CDH13: variants seen among roughly 807,000 people sequenced by gnomAD.
The protein encoded by CDH13 is cadherin 13.
A neutral mutation model predicts 63.8 loss-of-function variants in CDH13; 24 were observed. The observed-to-expected ratio is 0.38, with a 90% confidence interval of 0.27 to 0.53. The LOEUF (loss-of-function observed/expected upper bound fraction) is 0.53, where lower values mean the gene tolerates loss of function less well. CDH13 is among the 20% of genes least tolerant of loss of function. The probability of loss-of-function intolerance (pLI) is 0.85; values close to 1 mark genes in which losing one functional copy is unlikely to be tolerated. For synonymous variants in CDH13, 503 were observed against 355.3 expected (o/e 1.42, Z -4.67); for missense variants, 1,049 against 903.1 (o/e 1.16, Z -2.07).
intron 5 of CDH13, among the ~76,000 whole-genome samples, chr16:83,248,858 T>A (rs764744408): frequency 6.6e-6 from 1 of 152,214 alleles, no homozygotes; most frequent in Non-Finnish European, 1.5e-5. Context: ...TAGGCAATTG[T>A]CCACTTGAAT....
rs570650415 is a variant in CDH13 at position 83,308,844 on chromosome 16, G to A, written c.637-36018G>A. Among the ~76,000 whole-genome samples the A allele has an allele frequency of 3.9e-5, 6 of 152,328 alleles. No homozygotes were observed. The East Asian group carries it at 1.2e-3, about 29-fold the overall frequency. On this transcript the variant is annotated intron_variant, in intron 5 of 13. Transcript: ENST00000567109. The stretch of plus-strand genomic sequence containing the variant: ...CTTTGCAGAAGTTGAAGTTGAAACA[G>A]AAGTTTACTAAGATGCTGAAACTTA...
intron 2 of CDH13, among the ~76,000 whole-genome samples, chr16:82,989,598 G>A (rs888884935): frequency 6.6e-6 from 1 of 152,198 alleles, no homozygotes; most frequent in Non-Finnish European, 1.5e-5. Flanking sequence ...AGATGAGGCT[G>A]TGTGGACCAG....
At position 83,624,943 on chromosome 16, in the gene CDH13, G is replaced by A. The variant is rs560774391; in HGVS notation, c.1101+22349G>A. ...GGTGTGTTGCAGCCAGTCTGCACCAGCTTTGGGAGAGCTGATTGCCGCATG... is the reference window on the plus strand; with the variant it reads ...GGTGTGTTGCAGCCAGTCTGCACCAACTTTGGGAGAGCTGATTGCCGCATG... On this transcript the variant is annotated intron_variant, in intron 8 of 13. Coordinates refer to ENST00000567109, the MANE Select transcript of CDH13 (RefSeq NM_001257.5). Among the ~76,000 whole-genome samples the A allele has an allele frequency of 3.3e-5, 5 of 152,340 alleles. No homozygotes were observed. The South Asian group carries it at 1.0e-3, about 32-fold the overall frequency.
intron 8 of CDH13, chr16:83,654,860 T>A (rs1171810384): frequency 6.6e-6 from 1 of 152,144 alleles, no homozygotes; most frequent in Non-Finnish European, 1.5e-5. Flanking sequence ...TGAAAGAGCA[T>A]CTCCAGGTGG....
intron 1 of CDH13, among the ~76,000 whole-genome samples, chr16:82,758,049 G>T (rs1425274230): frequency 6.6e-6 from 1 of 152,110 alleles, no homozygotes; most frequent in Non-Finnish European, 1.5e-5. Context: ...TTTCAGGTTA[G>T]TTGTAGATAA....
intron 5 of CDH13, among the ~76,000 whole-genome samples, chr16:83,264,544 A>G (rs953577132): frequency 3.1e-5 from 2 of 64,674 alleles, no homozygotes; most frequent in Admixed American, 2.1e-4. Flanking sequence ...GTGTGTGTAT[A>G]TATATGTATG....
At chr16:82,928,973 A>C (rs1480004758) in intron 2 of CDH13, among the ~76,000 whole-genome samples, 1 of 152,196 alleles carries the variant, frequency 6.6e-6, no homozygotes, top group Non-Finnish European at 1.5e-5. Flanking sequence ...CAAAGTGCAT[A>C]ACATTATATT....
chr16:83,059,811 T>TTTTG, intron 3 of CDH13, among the ~76,000 whole-genome samples: 1 of 149,250 alleles, frequency 6.7e-6, no homozygotes, highest in Non-Finnish European at 1.5e-5. Context: ...TTTTTTTTTT[T>TTTTG]TTAGAAGGAG....
At chr16:83,053,965 A>G (rs1022150470) in intron 3 of CDH13, among the ~76,000 whole-genome samples, 1 of 152,202 alleles carries the variant, frequency 6.6e-6, no homozygotes, top group Non-Finnish European at 1.5e-5. Flanking sequence ...TGATCTCATA[A>G]AATTATAATA....
At chr16:83,497,174 G>T (rs1333672196) in intron 7 of CDH13, among the ~76,000 whole-genome samples, 4 of 152,038 alleles carry the variant, frequency 2.6e-5, no homozygotes. Flanking sequence ...TATACCCAAA[G>T]GACTATAAAT....
intron 7 of CDH13, among the ~76,000 whole-genome samples, chr16:83,538,556 C>G (rs990351084): frequency 7.2e-5 from 11 of 152,122 alleles, no homozygotes; most frequent in African/African-American, 2.7e-4. Flanking sequence ...GGAATGTGAT[C>G]CTAAAATAAT....
intron 7 of CDH13, among the ~76,000 whole-genome samples, chr16:83,540,628 C>G (rs1361105980): frequency 2.0e-5 from 3 of 152,214 alleles, no homozygotes; most frequent in Admixed American, 6.5e-5. Context: ...TAATGACACT[C>G]TCAAGTAGTA....
chr16:82,640,907 T>C lies in CDH13; in HGVS notation c.45+13770T>C, dbSNP rs979765672. Among the ~76,000 whole-genome samples the C allele has an allele frequency of 1.3e-5, 2 of 152,244 alleles. 1 individual carries two copies. The highest frequency in any genetic ancestry group is 1.3e-4 in the Admixed American group (2 of 15,288). Reference sequence around the variant, plus strand: ...AAGGCACTTTTGCTACCCAAAAGTATCTTGGGGTTAAACACGCTCTTGGAT... The same window carrying C: ...AAGGCACTTTTGCTACCCAAAAGTACCTTGGGGTTAAACACGCTCTTGGAT... On this transcript the variant is annotated intron_variant, in intron 1 of 13. Coordinates refer to ENST00000567109, the MANE Select transcript of CDH13 (RefSeq NM_001257.5).
At chr16:83,762,949 T>G (rs1914094413) in intron 11 of CDH13, among the ~76,000 whole-genome samples, 1 of 152,170 alleles carries the variant, frequency 6.6e-6, no homozygotes, top group Non-Finnish European at 1.5e-5. Context: ...ACAAAAGGTG[T>G]CCCTGTTAGT....
rs1157621533 is a variant in CDH13 at position 83,678,315 on chromosome 16, C to G, written c.1392C>G (p.Val464=). 5 of 1,614,030 alleles carry G rather than the reference C, an allele frequency of 3.1e-6. No homozygotes were observed. The highest frequency in any genetic ancestry group is 3.4e-6 in the Non-Finnish European group (4 of 1,179,902). The change falls in exon 10 of 14, where the codon GTC becomes GTG. Residue 464 remains valine (V), a synonymous_variant. Coordinates refer to ENST00000567109, the MANE Select transcript of CDH13 (RefSeq NM_001257.5). ...ACGGCCCCAGCTCCACAGCCACCGTCCACATCACTGTCCTGGATGTCAACG... is the reference window on the plus strand; with the variant it reads ...ACGGCCCCAGCTCCACAGCCACCGTGCACATCACTGTCCTGGATGTCAACG... ...VSYGPSSTAT[V]HITVLDVNEG... is the part of the protein sequence containing the mutation.
chr16:83,384,057 T>G (rs1216429672), intron 6 of CDH13, among the ~76,000 whole-genome samples: 1 of 152,222 alleles, frequency 6.6e-6, no homozygotes, highest in Non-Finnish European at 1.5e-5. Context: ...CTTGCACATA[T>G]GTCTACAACT....
At chr16:83,627,622 C>T (rs1412849302) in intron 8 of CDH13, among the ~76,000 whole-genome samples, 1 of 152,112 alleles carries the variant, frequency 6.6e-6, no homozygotes, top group African/African-American at 2.4e-5. Flanking sequence ...GCAATCTCAA[C>T]TCACTGCAGT....
intron 4 of CDH13, among the ~76,000 whole-genome samples, chr16:83,130,004 G>C (rs1046887549): frequency 5.9e-5 from 9 of 152,140 alleles, no homozygotes; most frequent in Non-Finnish European, 1.2e-4. Context: ...ATCCCAGGAG[G>C]GAAAACCTCT....
At chr16:83,293,452 G>A (rs559752098) in intron 5 of CDH13, among the ~76,000 whole-genome samples, 1 of 152,054 alleles carries the variant, frequency 6.6e-6, no homozygotes, top group Non-Finnish European at 1.5e-5. Context: ...ATCTGGGAAA[G>A]GTCAATTGTT....
Sources: gnomAD v4.1 joint callset for allele counts (sites outside exome capture counted in the v4.1 genomes callset) on GRCh38, gnomAD v4.1.1 for gene constraint, MANE v1.5 for transcripts, NCBI Gene and HGNC (gene_info 2026-07-23, HGNC 2026-07-21) for gene names.